Variants in CYRIB observed in about 807,000 individuals in gnomAD.
CYRIB encodes CYFIP related Rac1 interactor B, also known as CYFIP-related Rac1 interactor B.
A neutral mutation model predicts 44.2 loss-of-function variants in CYRIB; 8 were observed. The observed-to-expected ratio is 0.18, with a 90% CI of 0.11 to 0.33. The LOEUF is 0.33. Ranked by LOEUF, CYRIB falls within the 10% of genes least tolerant of loss-of-function variation. The pLI, the probability that CYRIB is intolerant of heterozygous loss-of-function variation, is 1.00. For synonymous variants in CYRIB, 131 were observed against 127.2 expected, an observed-to-expected ratio of 1.03 and a Z score of -0.20; for missense variants, 185 against 382.8, an observed-to-expected ratio of 0.48 and a Z score of 4.31.
chr8:129,924,331 A>T (rs1281910556), intron 1 of CYRIB, among the ~76,000 whole-genome samples: 1 of 120,168 alleles, frequency 8.3e-6, no homozygotes, highest in Non-Finnish European at 1.7e-5. Context: ...TACTTACCTC[A>T]CATCAGTGCT....
chr8:129,926,619 G>A (rs1049880178), intron 1 of CYRIB, among the ~76,000 whole-genome samples: 3 of 152,160 alleles, frequency 2.0e-5, no homozygotes, highest in African/African-American at 2.4e-5. Flanking sequence ...CTACACTAGC[G>A]GAGAGAAACA....
intron 1 of CYRIB, among the ~76,000 whole-genome samples, chr8:129,912,996 G>A (rs1187517249): frequency 2.3e-5 from 3 of 129,704 alleles, no homozygotes; most frequent in Non-Finnish European, 3.2e-5. Context: ...TTTTTGAGAC[G>A]GAGACTGCTC....
At chr8:129,842,551 C>A (rs2036984943) in intron 11 of CYRIB, among the ~76,000 whole-genome samples, 1 of 152,196 alleles carries the variant, frequency 6.6e-6, no homozygotes, top group South Asian at 2.1e-4. Context: ...GCCATCCAAT[C>A]CACCAATTTT....
chr8:130,013,382 G>A (rs1411943883), intron 1 of CYRIB, among the ~76,000 whole-genome samples: 2 of 152,190 alleles, frequency 1.3e-5, no homozygotes, highest in African/African-American at 4.8e-5. Flanking sequence ...TTACTCAGGA[G>A]CCCTGGGAGA....
At chr8:129,861,923 C>G (rs2049924787) in intron 5 of CYRIB, among the ~76,000 whole-genome samples, 1 of 152,130 alleles carries the variant, frequency 6.6e-6, no homozygotes, top group African/African-American at 2.4e-5. Context: ...GGAAAGTAAT[C>G]CTCAGGCCCT....
chr8:129,944,572 C>CA (rs2094004545), upstream of CYRIB, among the ~76,000 whole-genome samples: 1 of 152,046 alleles, frequency 6.6e-6, no homozygotes, highest in Non-Finnish European at 1.5e-5. Flanking sequence ...CACTTGAGTC[C>CA]AGGAGTTCGA....
intron 5 of CYRIB, among the ~76,000 whole-genome samples, chr8:129,858,723 T>TATTC (rs1554685708): frequency 1.3e-5 from 2 of 151,530 alleles, no homozygotes; most frequent in Non-Finnish European, 2.9e-5. Flanking sequence ...TGAAGGGACT[T>TATTC]ATTATGACCC....
intron 2 of CYRIB, among the ~76,000 whole-genome samples, chr8:129,944,833 T>C (rs547214027): frequency 2.9e-4 from 44 of 152,046 alleles, no homozygotes; most frequent in African/African-American, 1.0e-3. Context: ...ATTGCTTTCA[T>C]TGGTTTCTTC....
intron 1 of CYRIB, among the ~76,000 whole-genome samples, chr8:129,926,526 T>A (rs1320632934): frequency 6.6e-6 from 1 of 152,168 alleles, no homozygotes; most frequent in Non-Finnish European, 1.5e-5. Context: ...CTAAATATGA[T>A]TTTGAACCAT....
intron 1 of CYRIB, among the ~76,000 whole-genome samples, chr8:129,982,677 G>A (rs994285156): frequency 6.6e-6 from 1 of 152,194 alleles, no homozygotes; most frequent in African/African-American, 2.4e-5. Flanking sequence ...TCAAGAAACA[G>A]GATTTCTCTA....
At chr8:129,860,452 T>C (rs1361686812) in intron 5 of CYRIB, among the ~76,000 whole-genome samples, 1 of 152,168 alleles carries the variant, frequency 6.6e-6, no homozygotes, top group Non-Finnish European at 1.5e-5. Context: ...ATAGAGACTC[T>C]TGATTGAAAG....
intron 1 of CYRIB, among the ~76,000 whole-genome samples, chr8:129,928,397 T>C (rs1408292289): frequency 6.7e-6 from 1 of 149,308 alleles, no homozygotes; most frequent in Admixed American, 6.7e-5. Context: ...ACATAATGTA[T>C]CTGACAAAGG....
exon 1 of CYRIB, chr8:130,016,379 C>T (rs1289509228): frequency 2.0e-5 from 3 of 148,810 alleles, no homozygotes; most frequent in Non-Finnish European, 4.5e-5. Context: ...CCTGGCGGCC[C>T]GGGCGGGCGA....
chr8:129,955,549 G>C (rs2094775180), intron 2 of CYRIB, among the ~76,000 whole-genome samples: 1 of 152,050 alleles, frequency 6.6e-6, no homozygotes, highest in African/African-American at 2.4e-5. Context: ...AGCATTTCAA[G>C]GTAACTTATT....
chr8:129,858,026 T>A lies in CYRIB; in HGVS notation c.302-2279A>T, dbSNP rs1045310298. On this transcript the variant is annotated intron_variant, in intron 5 of 11. Coordinates refer to ENST00000519824, the Ensembl canonical transcript of CYRIB. Reference sequence around the variant, plus strand: ...TATGAATGGCTGAGGCCCTCCATGGTAGATCTATGTTGAAAGGGAAGCTCA... The same window carrying A: ...TATGAATGGCTGAGGCCCTCCATGGAAGATCTATGTTGAAAGGGAAGCTCA... Among the ~76,000 whole-genome samples the A allele has an allele frequency of 7.2e-5, 11 of 152,340 alleles. No individual in the cohort carries two copies. The East Asian group carries it at 2.1e-3, about 29-fold the overall frequency.
intron 1 of CYRIB, among the ~76,000 whole-genome samples, chr8:129,915,118 GAC>G (rs1263355525): frequency 6.6e-6 from 1 of 152,150 alleles, no homozygotes; most frequent in Non-Finnish European, 1.5e-5. Flanking sequence ...CCTTCAATAT[GAC>G]ACAGTCATTC....
intron 1 of CYRIB, among the ~76,000 whole-genome samples, chr8:129,925,606 T>C (rs944232501): frequency 5.3e-5 from 8 of 152,138 alleles, no homozygotes; most frequent in South Asian, 2.1e-4. Flanking sequence ...ATGTGATCTA[T>C]GGGAAACACA....
chr8:129,848,397 G>A (rs2041460840), intron 10 of CYRIB, among the ~76,000 whole-genome samples: 1 of 152,224 alleles, frequency 6.6e-6, no homozygotes, highest in Non-Finnish European at 1.5e-5. Flanking sequence ...TGAACTAGAT[G>A]TGAGAGGTTG....
At position 129,994,703 on chromosome 8, in the gene CYRIB, C is replaced by T. The variant is rs149157523; in HGVS notation, c.-296+21667G>A. Among the ~76,000 whole-genome samples, 271 of 152,330 alleles carry T rather than the reference C, an allele frequency of 1.8e-3. 3 individuals are homozygous for T. The highest frequency in any genetic ancestry group is 5.9e-3 in the African/African-American group (246 of 41,580). On this transcript the variant is annotated intron_variant, in intron 1 of 14. Transcript: ENST00000401979. ...AGTCAGGGCTATGGAACATCGACAA[C>T]AGAAATCAGCTATGACTATTTTATG... is the stretch of plus-strand genomic sequence containing the variant.
Sources: gnomAD v4.1 joint callset for allele counts (sites outside exome capture counted in the v4.1 genomes callset) on GRCh38, gnomAD v4.1.1 for gene constraint, MANE v1.5 for transcripts, NCBI Gene and HGNC (gene_info 2026-07-23, HGNC 2026-07-21) for gene names.